ECPAS: variants seen among roughly 807,000 people sequenced by gnomAD.
ECPAS encodes the protein proteasome adapter and scaffold protein ECM29.
A neutral mutation model predicts 255.1 loss-of-function variants in ECPAS; 70 were observed. The observed-to-expected ratio is 0.27, with a 90% confidence interval of 0.23 to 0.33. The LOEUF (loss-of-function observed/expected upper bound fraction) is 0.33. Ranked by LOEUF, ECPAS falls within the 10% of genes least tolerant of loss-of-function variation. ECPAS has a pLI of 1.00. For synonymous variants in ECPAS, 784 were observed against 775.0 expected (o/e 1.01, Z -0.19); for missense variants, 1,817 against 2,206.4 (o/e 0.82, Z 3.54).
chr9:111,460,391 A>AAAT (rs531655101), intron 2 of ECPAS, among the ~76,000 whole-genome samples: 2 of 152,220 alleles, frequency 1.3e-5, no homozygotes, highest in South Asian at 4.1e-4. Context: ...TCTAAAGGTA[A>AAAT]AATACCAAAC....
Position 111,382,391 on chromosome 9 carries a change from A to C in ECPAS, c.3803+820T>G, listed in dbSNP as rs572264622. 3.3e-5 allele frequency among the ~76,000 whole-genome samples: 5 copies of C among 151,306 alleles called. No homozygotes were observed. In the South Asian group the frequency reaches 1.0e-3, roughly 32 times the overall value. On this transcript the variant is annotated intron_variant, in intron 35 of 49. Transcript: ENST00000684092. ...GCGACTCTCCTGCCTCAGCCTCCCA[A>C]GTAGCTGGGATTACAGGCATGCACC... is the stretch of plus-strand genomic sequence containing the variant.
chr9:111,459,591 G>A (rs1198750721), intron 2 of ECPAS, among the ~76,000 whole-genome samples: 2 of 152,050 alleles, frequency 1.3e-5, no homozygotes, highest in Non-Finnish European at 2.9e-5. Context: ...AAGGAAAACT[G>A]AGCCAGGCCA....
intron 1 of ECPAS, among the ~76,000 whole-genome samples, chr9:111,481,872 A>C (rs2098305927): frequency 1.3e-5 from 2 of 152,256 alleles, no homozygotes; most frequent in Non-Finnish European, 2.9e-5. Context: ...GATTCCATTC[A>C]CACGAGGTAG....
At chr9:111,408,519 A>T in intron 24 of ECPAS, 52 bp downstream of exon 24, 1 of 1,122,592 alleles carries the variant, frequency 8.9e-7, no homozygotes, top group Non-Finnish European at 1.2e-6. Flanking sequence ...AAAAAAAAAA[A>T]GACCAATGCC....
intron 16 of ECPAS, 76 bp from the exon 17 acceptor site, chr9:111,418,082 C>T (rs1288589762): frequency 7.4e-7 from 1 of 1,355,048 alleles, no homozygotes; most frequent in African/African-American, 1.5e-5. Context: ...ATAAGAACAG[C>T]AATTTTATTT....
intron 2 of ECPAS, among the ~76,000 whole-genome samples, chr9:111,469,825 C>A (rs1342520943): frequency 6.6e-6 from 1 of 151,858 alleles, no homozygotes; most frequent in Non-Finnish European, 1.5e-5. Flanking sequence ...AAAAAAGACG[C>A]CATCTCAAAA....
chr9:111,401,951 A>G (rs1313361918), intron 24 of ECPAS, among the ~76,000 whole-genome samples: 1 of 152,226 alleles, frequency 6.6e-6, no homozygotes, highest in Non-Finnish European at 1.5e-5. Context: ...CACGTTTTAC[A>G]AACAATTTAT....
intron 2 of ECPAS, among the ~76,000 whole-genome samples, chr9:111,457,702 T>C (rs992006359): frequency 3.9e-5 from 6 of 151,954 alleles, no homozygotes; most frequent in East Asian, 1.9e-4. Context: ...GAGAAGAAAA[T>C]TGACTGGTAA....
At chr9:111,461,297 CAAA>C (rs796220521) in intron 2 of ECPAS, among the ~76,000 whole-genome samples, 3 of 130,132 alleles carry the variant, frequency 2.3e-5, no homozygotes, top group Non-Finnish European at 3.4e-5. Context: ...CCATCTCTAC[CAAA>C]AAAAAAAAAA....
In ECPAS at chr9:111,484,341, G is replaced by A. The variant is rs776533380; in HGVS notation, c.-308C>T. On this transcript the variant is annotated 5_prime_UTR_variant, in exon 1 of 50. Coordinates refer to ENST00000684092, the MANE Select transcript of ECPAS (RefSeq NM_001364929.1). The stretch of plus-strand genomic sequence containing the variant: ...TGCGGCTGTCACGTTGGCTGGGCCC[G>A]ACCTGGGGAAACACGCCTGTCCAAA... 1.9e-6 allele frequency: 3 copies of A among 1,607,906 alleles called. No individual in the cohort carries two copies. Among genetic ancestry groups the A allele is most frequent in the South Asian group, 2.2e-5 (2 of 90,306 alleles).
At chr9:111,385,124 C>G (rs1429518914) in intron 33 of ECPAS, among the ~76,000 whole-genome samples, 1 of 152,108 alleles carries the variant, frequency 6.6e-6, no homozygotes, top group Non-Finnish European at 1.5e-5. Flanking sequence ...AGAAGGTATA[C>G]AGCCACCTTT....
intron 12 of ECPAS, among the ~76,000 whole-genome samples, chr9:111,425,009 C>T (rs569835603): frequency 2.0e-5 from 3 of 151,896 alleles, no homozygotes; most frequent in Non-Finnish European, 2.9e-5. Context: ...AGATGGCCAA[C>T]CCATCTCTAC....
rs148714783 is a variant in ECPAS, at chr9:111,442,086, A to T, written c.389+220T>A. Among the ~76,000 whole-genome samples, 66 of 152,342 alleles carry T rather than the reference A, an allele frequency of 4.3e-4. No homozygotes were observed. The East Asian group carries it at 0.013, about 29-fold the overall frequency. The stretch of plus-strand genomic sequence containing the variant: ...CAAAAAAATGCACAGACTTAGATAA[A>T]TGTTAGTTCTGCACATTTTTCAATG... On this transcript the variant is annotated intron_variant, in intron 5 of 49. Coordinates refer to ENST00000684092, the MANE Select transcript of ECPAS (RefSeq NM_001364929.1).
At chr9:111,372,857 C>T (rs574857207) in intron 41 of ECPAS, among the ~76,000 whole-genome samples, 1 of 152,168 alleles carries the variant, frequency 6.6e-6, no homozygotes, top group East Asian at 1.9e-4. Context: ...CATGGCGAAA[C>T]CCCACCTATA....
intron 2 of ECPAS, among the ~76,000 whole-genome samples, chr9:111,471,564 C>T (rs1356274777): frequency 6.6e-6 from 1 of 152,102 alleles, no homozygotes; most frequent in Non-Finnish European, 1.5e-5. Context: ...ATTGAAGCTA[C>T]AAAATCCCAG....
intron 2 of ECPAS, among the ~76,000 whole-genome samples, chr9:111,465,998 A>T (rs1244045108): frequency 6.6e-6 from 1 of 151,816 alleles, no homozygotes; most frequent in African/African-American, 2.4e-5. Context: ...ATGCCTCTGC[A>T]CTCCAGCCCG....
chr9:111,393,567 T>C (rs1222192106), intron 27 of ECPAS, 113 bp downstream of exon 27: 8 of 726,390 alleles, frequency 1.1e-5, no homozygotes, highest in East Asian at 7.8e-5. Context: ...GGTTTAATAA[T>C]TGTTTTAATC....
At chr9:111,374,112 G>T in intron 38 of ECPAS, 74 bp from the exon 39 acceptor site, 1 of 1,166,480 alleles carries the variant, frequency 8.6e-7, no homozygotes, top group Non-Finnish European at 1.3e-6. Flanking sequence ...TGGCTTAGGT[G>T]CCAAAAATTT....
At chr9:111,387,921 T>C (rs1162085117) in intron 31 of ECPAS, among the ~76,000 whole-genome samples, 3 of 149,766 alleles carry the variant, frequency 2.0e-5, no homozygotes, top group African/African-American at 4.9e-5. Flanking sequence ...AGTGCAGTTA[T>C]TGAGGGACAG....
Sources: allele counts gnomAD v4.1 joint callset (sites outside exome capture counted in the v4.1 genomes callset), GRCh38; gene constraint gnomAD v4.1.1; transcripts MANE v1.5; gene names NCBI Gene and HGNC (gene_info 2026-07-23, HGNC 2026-07-21).